GPHN: variants seen among roughly 807,000 people sequenced by gnomAD.
GPHN encodes gephyrin.
A neutral mutation model predicts 95.5 loss-of-function variants in GPHN; 17 were observed. The ratio of observed to expected loss-of-function variants is 0.18; its 90% CI spans 0.12 to 0.27. GPHN has a LOEUF of 0.27. Ranked by LOEUF, GPHN falls within the 10% of genes least tolerant of loss-of-function variation. The probability of loss-of-function intolerance (pLI) is 1.00; values close to 1 mark genes in which losing one functional copy is unlikely to be tolerated. For missense variants in GPHN, 660 were observed against 978.1 expected (o/e 0.67, Z 4.34); for synonymous variants, 320 against 322.5 (o/e 0.99, Z 0.08).
At chr14:66,557,443 T>G (rs2060052590) in intron 1 of GPHN, among the ~76,000 whole-genome samples, 1 of 152,208 alleles carries the variant, frequency 6.6e-6, no homozygotes, top group African/African-American at 2.4e-5. Flanking sequence ...ACTTTGTACT[T>G]ACAAGTAGAA....
At chr14:67,369,762 T>G in the GPHN span, among the ~76,000 whole-genome samples, 2 of 152,208 alleles carry the variant, frequency 1.3e-5, no homozygotes, top group Non-Finnish European at 2.9e-5. Context: ...TTACTTATAT[T>G]AGAAAAGAAT....
chr14:66,654,898 T>G (rs1393836284), intron 1 of GPHN, among the ~76,000 whole-genome samples: 5 of 152,202 alleles, frequency 3.3e-5, no homozygotes, highest in Non-Finnish European at 7.3e-5. Flanking sequence ...TTGAGTTGCT[T>G]TTTTACTTAT....
intron 9 of GPHN, among the ~76,000 whole-genome samples, chr14:66,968,750 C>A (rs1468844616): frequency 2.0e-5 from 3 of 152,110 alleles, no homozygotes; most frequent in African/African-American, 7.2e-5. Context: ...TTAAATAAGT[C>A]TTTGCCTGGT....
chr14:67,038,908 G>T (rs1367260766), intron 10 of GPHN, among the ~76,000 whole-genome samples: 1 of 152,116 alleles, frequency 6.6e-6, no homozygotes, highest in Non-Finnish European at 1.5e-5. Flanking sequence ...CTCTGCTGCA[G>T]CTCTTCTAAA....
chr14:67,187,215 T>TA, the GPHN span, among the ~76,000 whole-genome samples: 3 of 152,038 alleles, frequency 2.0e-5, no homozygotes, highest in Non-Finnish European at 4.4e-5. Context: ...ATTTAAAAAA[T>TA]AAAAAAATCA....
At chr14:67,328,515 C>A in the GPHN span, among the ~76,000 whole-genome samples, 6 of 152,172 alleles carry the variant, frequency 3.9e-5, no homozygotes, top group Non-Finnish European at 7.3e-5. Context: ...AGTTTTGTTG[C>A]CATTGCTTTT....
At chr14:67,718,607 T>A in the GPHN span, among the ~76,000 whole-genome samples, 1 of 152,208 alleles carries the variant, frequency 6.6e-6, no homozygotes, top group South Asian at 2.1e-4. Flanking sequence ...CTCAAAGGTG[T>A]TGCAAGTGAT....
At chr14:66,545,904 G>C (rs1299085544) in intron 1 of GPHN, among the ~76,000 whole-genome samples, 1 of 151,656 alleles carries the variant, frequency 6.6e-6, no homozygotes, top group Non-Finnish European at 1.5e-5. Context: ...GGCTGGCCTA[G>C]CGGTGGGTGA....
chr14:67,466,005 C>A, the GPHN span, among the ~76,000 whole-genome samples: 1 of 152,166 alleles, frequency 6.6e-6, no homozygotes, highest in South Asian at 2.1e-4. Context: ...GAGATGCAGC[C>A]TGCTGATGCC....
At chr14:67,665,703 AC>A in the GPHN span, among the ~76,000 whole-genome samples, 5 of 152,086 alleles carry the variant, frequency 3.3e-5, no homozygotes, top group African/African-American at 1.2e-4. Flanking sequence ...AGAACTATAA[AC>A]CTCCTTAGAT....
chr14:67,449,251 G>A, the GPHN span, among the ~76,000 whole-genome samples: 1 of 152,196 alleles, frequency 6.6e-6, no homozygotes. Context: ...GAGGATCCAG[G>A]AGGTGCTAAC....
At chr14:66,793,811 A>C (rs1319149492) in intron 3 of GPHN, among the ~76,000 whole-genome samples, 5 of 152,194 alleles carry the variant, frequency 3.3e-5, no homozygotes, top group Admixed American at 3.3e-4. Context: ...AAGGGAATTA[A>C]AATATTACAC....
chr14:67,587,534 G>A, the GPHN span: 48 of 415,368 alleles, frequency 1.2e-4, 1 homozygote, highest in South Asian at 1.1e-3. Context: ...GTTACTGAGG[G>A]CATCAGTGCT....
At chr14:66,985,838 C>T (rs2070993103) in intron 9 of GPHN, 3 of 606,514 alleles carry the variant, frequency 4.9e-6, no homozygotes, top group South Asian at 2.2e-5. Context: ...TTCCATTTTT[C>T]ACCATCCCAT....
intron 1 of GPHN, among the ~76,000 whole-genome samples, chr14:66,561,349 C>G (rs1026093606): frequency 6.6e-6 from 1 of 152,084 alleles, no homozygotes; most frequent in Non-Finnish European, 1.5e-5. Context: ...TGGTAGAATT[C>G]GGCTGAATCC....
At chr14:67,533,178 G>C in the GPHN span, 1 of 151,880 alleles carries the variant, frequency 6.6e-6, no homozygotes, top group Non-Finnish European at 1.5e-5. Context: ...CGTTGAATGG[G>C]GCGCAGCAAG....
At chr14:67,296,034 T>C in the GPHN span, among the ~76,000 whole-genome samples, 5 of 152,138 alleles carry the variant, frequency 3.3e-5, no homozygotes, top group African/African-American at 1.2e-4. Flanking sequence ...TGAGAAGTGC[T>C]ATGATGGCAA....
chr14:67,724,384 T>C, the GPHN span: 1 of 925,226 alleles, frequency 1.1e-6, no homozygotes, highest in Admixed American at 2.1e-5. Flanking sequence ...TCTTTGAGGC[T>C]GGATAGAGTT....
intron 1 of GPHN, among the ~76,000 whole-genome samples, chr14:66,534,566 G>A (rs902369418): frequency 2.6e-5 from 4 of 152,012 alleles, no homozygotes; most frequent in East Asian, 3.9e-4. Context: ...GAATATTCTC[G>A]TGTATTTCTT....
Sources: gnomAD v4.1 joint callset for allele counts (sites outside exome capture counted in the v4.1 genomes callset) on GRCh38, gnomAD v4.1.1 for gene constraint, MANE v1.5 for transcripts, NCBI Gene and HGNC (gene_info 2026-07-23, HGNC 2026-07-21) for gene names.